Variants in SZT2 observed in about 807,000 individuals in gnomAD.
The protein encoded by SZT2 is SZT2 subunit of KICSTOR complex.
SZT2 carries 216 observed loss-of-function variants against 404.2 expected under a neutral mutation model. The ratio of observed to expected loss-of-function variants is 0.53; its 90% CI spans 0.48 to 0.60. SZT2 has a LOEUF of 0.60. Ranked by LOEUF, SZT2 falls within the 20% of genes least tolerant of loss-of-function variation. The pLI is 0.00. For synonymous variants in SZT2, 1,693 were observed against 1,749.9 expected (o/e 0.97, Z 0.81); for missense variants, 3,857 against 4,459.2 (o/e 0.86, Z 3.85).
In SZT2 at chr1:43,442,225, A is replaced by G. The variant is rs1439326000; in HGVS notation, c.7874-43A>G. 3 of 1,602,394 alleles carry G rather than the reference A, an allele frequency of 1.9e-6. No homozygotes were observed. In the South Asian group the frequency reaches 3.4e-5, roughly 18 times the overall value. On this transcript the variant is annotated intron_variant, in intron 56 of 71. Coordinates refer to ENST00000634258, the MANE Select transcript of SZT2 (RefSeq NM_001365999.1). The surrounding 1 kb of genome is among the most constrained non-coding windows in gnomAD (Gnocchi z 4.5). ...AGAGGGGAGGGTGGGATCAAGGGGG[A>G]TCTGTTCCCAGGCCCCTATTGTGCC...
intron 4 of SZT2, among the ~76,000 whole-genome samples, chr1:43,407,873 C>T (rs1557519641): frequency 7.2e-6 from 1 of 139,546 alleles, no homozygotes; most frequent in African/African-American, 2.7e-5. Context: ...TGCTCTGTTA[C>T]CCAGGCTGGA....
In SZT2 at chr1:43,453,644, G is replaced by C. The variant is rs1028691456; in HGVS notation, c.*3164G>C. 8.1e-6 allele frequency: 12 copies of C among 1,490,476 alleles called. No individual in the cohort carries two copies. In the East Asian group the frequency reaches 3.4e-4, roughly 42 times the overall value. The allele number at this position is 1,490,476 out of a possible 1,614,324, so 92.3% of individuals were successfully genotyped here. A position where few individuals can be genotyped will look rare whatever the true frequency, so the allele number is the denominator to read the frequency against. The stretch of plus-strand genomic sequence containing the variant: ...GCCGCAGCCCCGCTTCTCGCGCGGC[G>C]CGCGCCAGCGCCTCAGGCGTCTCCG... On this transcript the variant is annotated 3_prime_UTR_variant, in exon 72 of 72. Transcript: ENST00000634258.
intron 4 of SZT2, among the ~76,000 whole-genome samples, chr1:43,409,319 G>A (rs1650721510): frequency 6.6e-6 from 1 of 152,146 alleles, no homozygotes; most frequent in Non-Finnish European, 1.5e-5. Context: ...AGGGCACAGG[G>A]CAGGAGTTAT....
chr1:43,424,761 C>A lies in SZT2; in HGVS notation c.2472-23C>A. 1 of 1,607,200 alleles carries A rather than the reference C, an allele frequency of 6.2e-7. No individual in the cohort carries two copies. Among genetic ancestry groups the A allele is most frequent in the Non-Finnish European group, 8.5e-7 (1 of 1,173,910 alleles). ...CTCTTCTTCCCTTATCCTGGCCTTG[C>A]CCCGGCCTTTATGGGGCTTCAGAGT... On this transcript the variant is annotated intron_variant, in intron 16 of 71. Coordinates refer to ENST00000634258, the MANE Select transcript of SZT2 (RefSeq NM_001365999.1). This position sits in a 1 kb window ranked among gnomAD's most constrained non-coding sequence, Gnocchi z 4.1.
At position 43,443,185 on chromosome 1, in the gene SZT2, C is replaced by A; in HGVS notation, c.8420-3C>A. The stretch of plus-strand genomic sequence containing the variant: ...GGCTACTACTAATGCCCTCAACCCT[C>A]AGAGCTGGAGCGCCAGATGAAGATG... On this transcript the variant is annotated splice_region_variant and splice_polypyrimidine_tract_variant and intron_variant, in intron 59 of 71. Transcript: ENST00000634258. 1.2e-6 allele frequency: 2 copies of A among 1,614,178 alleles called. No individual in the cohort carries two copies. The highest frequency in any genetic ancestry group is 1.1e-5 in the South Asian group (1 of 91,086).
chr1:43,431,133 G>A (rs1271413965), intron 33 of SZT2, 43 bp downstream of exon 33: 4 of 1,603,168 alleles, frequency 2.5e-6, no homozygotes, highest in Non-Finnish European at 8.5e-7. Flanking sequence ...CCTTTTTAGG[G>A]TAGGGGGACC....
At chr1:43,415,316 G>A in intron 5 of SZT2, 103 bp downstream of exon 5, 1 of 1,431,552 alleles carries the variant, frequency 7.0e-7, no homozygotes, top group Admixed American at 2.1e-5. Flanking sequence ...AAAGGGCTAA[G>A]AGCTGGGGCA....
At position 43,453,548 on chromosome 1, in the gene SZT2, G is replaced by T; in HGVS notation, c.*3068G>T. On this transcript the variant is annotated 3_prime_UTR_variant, in exon 72 of 72. Coordinates refer to ENST00000634258, the MANE Select transcript of SZT2 (RefSeq NM_001365999.1). ...CCGGCTCGGACACTCCCCTGCCCGC[G>T]CCCCGGCACCCCCCAGCCCTCCCAG... is the stretch of plus-strand genomic sequence containing the variant. The T allele has an allele frequency of 6.6e-7, 1 of 1,520,284 alleles. No homozygotes were observed. The allele number at this position is 1,520,284 out of a possible 1,614,324, so 94.2% of individuals were successfully genotyped here. A position where few individuals can be genotyped will look rare whatever the true frequency, so the allele number is the denominator to read the frequency against.
chr1:43,427,363 T>C lies in SZT2; in HGVS notation c.3516T>C (p.Ala1172=), dbSNP rs1392257477. ...CTAAGTTTGGGGATTGGAGTGGGGC[T>C]CCCAGTCTGAAAGATCTAGGAGGAA... ...TKPKFGDWSG[A]PSLKDLGGTG... The change falls in exon 25 of 72, where the codon GCT becomes GCC. Residue 1172 remains alanine, a synonymous_variant. Coordinates refer to ENST00000634258, the MANE Select transcript of SZT2 (RefSeq NM_001365999.1). 1.2e-6 allele frequency: 2 copies of C among 1,614,012 alleles called. No homozygotes were observed. Among genetic ancestry groups the C allele is most frequent in the Non-Finnish European group, 8.5e-7 (1 of 1,179,984 alleles).
Position 43,425,290 on chromosome 1 carries a change from T to C in SZT2, c.2645+83T>C, listed in dbSNP as rs1437841588. 1.3e-6 allele frequency: 2 copies of C among 1,555,142 alleles called. No homozygotes were observed. The highest frequency in any genetic ancestry group is 1.8e-6 in the Non-Finnish European group (2 of 1,136,192). On this transcript the variant is annotated intron_variant, in intron 18 of 71. Coordinates refer to ENST00000634258, the MANE Select transcript of SZT2 (RefSeq NM_001365999.1). This position sits in a 1 kb window ranked among gnomAD's most constrained non-coding sequence, Gnocchi z 4.3. Reference sequence around the variant, plus strand: ...CCCTAGAGGTCTGGCTCCCATATCCTGAGATGATCTTGATCCCAAAGTCAG... The same window carrying C: ...CCCTAGAGGTCTGGCTCCCATATCCCGAGATGATCTTGATCCCAAAGTCAG...
rs929264543 is a variant in SZT2 at position 43,442,596 on chromosome 1, A to T, written c.8129A>T (p.Asp2710Val). The change falls in exon 58 of 72, where the codon GAC (aspartate) becomes GTC (valine). Residue 2710 changes from aspartate (D) to valine (V), a missense_variant. Asp to Val is a radical substitution (Grantham distance 152). Around this residue, in one of 7 missense-constraint regions of SZT2, gnomAD observed 573 missense variants for 592.4 expected, o/e 0.97. Transcript: ENST00000634258. This position sits in a 1 kb window ranked among gnomAD's most constrained non-coding sequence, Gnocchi z 4.5. ...LGLFHHYGQL[D>V]FPVRDEKEPN... ...CTCTTCCATCATTATGGCCAGTTGG[A>T]CTTCCCCGTGCGAGATGAAAAGGTG... 2 of 1,608,950 alleles carry T rather than the reference A, an allele frequency of 1.2e-6. No homozygotes were observed. Among genetic ancestry groups the T allele is most frequent in the Non-Finnish European group, 1.7e-6 (2 of 1,176,528 alleles).
chr1:43,412,941 A>G (rs1651246636), intron 4 of SZT2: 1 of 152,224 alleles, frequency 6.6e-6, no homozygotes, highest in Admixed American at 6.5e-5. Context: ...GAGAAATGCA[A>G]ATGAAAACTG....
At position 43,420,827 on chromosome 1, in the gene SZT2, G is replaced by T; in HGVS notation, c.1340G>T (p.Trp447Leu). ...MRIEYVAMAPWPLEPEGPRVT... is the reference protein window; with the variant it reads ...MRIEYVAMAPLPLEPEGPRVT... ...ATTGAGTATGTGGCTATGGCACCCTGGCCCCTGGAGCCTGAGGGCCCTCGA... is the reference window on the plus strand; with the variant it reads ...ATTGAGTATGTGGCTATGGCACCCTTGCCCCTGGAGCCTGAGGGCCCTCGA... The change falls in exon 10 of 72, where the codon TGG becomes TTG. Residue 447 changes from tryptophan (W) to leucine (L), a missense_variant. Around this residue, in one of 7 missense-constraint regions of SZT2, gnomAD observed 536 missense variants for 637.4 expected, o/e 0.84. Coordinates refer to ENST00000634258, the MANE Select transcript of SZT2 (RefSeq NM_001365999.1). The surrounding 1 kb of genome is among the most constrained non-coding windows in gnomAD (Gnocchi z 5.1). 6.3e-7 allele frequency: 1 copy of T among 1,598,440 alleles called. No individual in the cohort carries two copies. The highest frequency in any genetic ancestry group is 8.5e-7 in the Non-Finnish European group (1 of 1,179,804).
At position 43,420,945 on chromosome 1, in the gene SZT2, T is replaced by C. The variant is rs376484331; in HGVS notation, c.1458T>C (p.Arg486=). The change falls in exon 10 of 72, where the codon CGT becomes CGC. Residue 486 remains arginine, a synonymous_variant. Transcript: ENST00000634258. This position sits in a 1 kb window ranked among gnomAD's most constrained non-coding sequence, Gnocchi z 5.1. ...ALRQPIRSLY[R]THVIRRFWNT... Reference sequence around the variant, plus strand: ...GGCAGCCCATTCGTTCATTGTATCGTACCCATGTTATCCGGCGTTTCTGGA... The same window carrying C: ...GGCAGCCCATTCGTTCATTGTATCGCACCCATGTTATCCGGCGTTTCTGGA... The C allele has an allele frequency of 1.1e-4, 175 of 1,598,340 alleles. No individual in the cohort carries two copies. The highest frequency in any genetic ancestry group is 5.5e-4 in the Admixed American group (33 of 60,008).
chr1:43,429,682 A>C lies in SZT2; in HGVS notation c.4167-21A>C, dbSNP rs201051888. The C allele has an allele frequency of 1.2e-5, 20 of 1,614,146 alleles. No homozygotes were observed. In the East Asian group the frequency reaches 4.0e-4, roughly 32 times the overall value. The stretch of plus-strand genomic sequence containing the variant: ...GCTTGATGGTTCTTAACACTTCAAC[A>C]TCCTTACCCCAACCATTCAGCATAG... On this transcript the variant is annotated intron_variant, in intron 28 of 71. Coordinates refer to ENST00000634258, the MANE Select transcript of SZT2 (RefSeq NM_001365999.1).
chr1:43,415,768 C>CT (rs1651646170), intron 5 of SZT2, among the ~76,000 whole-genome samples, 192 bp from the exon 6 acceptor site: 1 of 152,234 alleles, frequency 6.6e-6, no homozygotes, highest in Non-Finnish European at 1.5e-5. Context: ...CCCTTCACCT[C>CT]TGAGGTTCAG....
chr1:43,442,907 T>C lies in SZT2; in HGVS notation c.8240T>C (p.Leu2747Pro). The C allele has an allele frequency of 1.2e-6, 2 of 1,614,102 alleles. No individual in the cohort carries two copies. Among genetic ancestry groups the C allele is most frequent in the Non-Finnish European group, 1.7e-6 (2 of 1,179,968 alleles). ...CCGCTGAGCCGTGAGCAGGGCCGAC[T>C]GAGTGGGTCCTCTCGTGGTGGGGGT... is the stretch of plus-strand genomic sequence containing the variant. ...SPPLSREQGRLSGSSRGGGPL... is the reference protein window; with the variant it reads ...SPPLSREQGRPSGSSRGGGPL... Residue 2747 changes from leucine (L) to proline (P), a missense_variant, in exon 59 of 72, where the codon CTG (leucine) becomes CCG (proline). Physicochemically the swap from Leu to Pro is moderately conservative, Grantham distance 98. Around this residue, in one of 7 missense-constraint regions of SZT2, gnomAD observed 573 missense variants for 592.4 expected, o/e 0.97. Transcript: ENST00000634258. The surrounding 1 kb of genome is among the most constrained non-coding windows in gnomAD (Gnocchi z 4.5).
Position 43,422,463 on chromosome 1 carries a change from C to T in SZT2, c.1770-17C>T. 1.3e-6 allele frequency: 2 copies of T among 1,563,592 alleles called. No individual in the cohort carries two copies. The highest frequency in any genetic ancestry group is 1.2e-5 in the South Asian group (1 of 85,008). Reference sequence around the variant, plus strand: ...GGGGCCTGGAGGTCTAACCTCAGTCCACACCCCTCTTCCTAGACCAATCCC... The same window carrying T: ...GGGGCCTGGAGGTCTAACCTCAGTCTACACCCCTCTTCCTAGACCAATCCC... On this transcript the variant is annotated splice_polypyrimidine_tract_variant and intron_variant, in intron 12 of 71. Coordinates refer to ENST00000634258, the MANE Select transcript of SZT2 (RefSeq NM_001365999.1).
intron 1 of SZT2, 67 bp downstream of exon 1, chr1:43,390,062 G>A: frequency 7.3e-7 from 1 of 1,371,276 alleles, no homozygotes; most frequent in Non-Finnish European, 9.4e-7. Flanking sequence ...GGGCAGGCGT[G>A]GCGTTGGCCT....
Sources: gnomAD v4.1 joint callset for allele counts (sites outside exome capture counted in the v4.1 genomes callset) on GRCh38, gnomAD v4.1.1 for gene constraint, gnomAD v4.1.1 regional missense constraint, Gnocchi (gnomAD v3.1) non-coding constraint, MANE v1.5 for transcripts, NCBI Gene and HGNC (gene_info 2026-07-23, HGNC 2026-07-21) for gene names.